The following ATP2B2 variants were observed in gnomAD, a reference collection of about 807,000 sequenced individuals.
ATP2B2 encodes plasma membrane calcium-transporting ATPase 2.
ATP2B2 carries 15 observed loss-of-function variants against 120.0 expected under a neutral mutation model. The observed-to-expected ratio is 0.12, with a 90% CI of 0.08 to 0.19. The LOEUF is 0.19. ATP2B2 is among the 10% of genes least tolerant of loss of function. The pLI is 1.00. For missense variants in ATP2B2, 1,045 were observed against 1,719.8 expected (o/e 0.61, Z 6.94); for synonymous variants, 694 against 700.3 (o/e 0.99, Z 0.14).
Position 10,468,175 on chromosome 3 carries a change from C to T in ATP2B2, c.-319-18313G>A, listed in dbSNP as rs567331591. Among the ~76,000 whole-genome samples, 5 of 152,352 alleles carry T rather than the reference C, an allele frequency of 3.3e-5. No individual in the cohort carries two copies. The East Asian group carries it at 7.7e-4, about 23-fold the overall frequency. ...GCTCCCCTCCTCTCTGCCCAGTGTCCATGTGGGCTGTGGGACAGACAGGAG... is the reference window on the plus strand; with the variant it reads ...GCTCCCCTCCTCTCTGCCCAGTGTCTATGTGGGCTGTGGGACAGACAGGAG... On this transcript the variant is annotated intron_variant, in intron 1 of 22. Transcript: ENST00000360273.
At chr3:10,594,131 G>A (rs372803487) in intron 2 of ATP2B2, among the ~76,000 whole-genome samples, 2 of 152,140 alleles carry the variant, frequency 1.3e-5, no homozygotes, top group African/African-American at 2.4e-5. Flanking sequence ...AGTGTAAACT[G>A]GTTCAACCAT....
At chr3:10,560,873 G>C (rs1454033855) in intron 2 of ATP2B2, among the ~76,000 whole-genome samples, 1 of 152,086 alleles carries the variant, frequency 6.6e-6, no homozygotes, top group Non-Finnish European at 1.5e-5. Flanking sequence ...TTGTTCTCTA[G>C]GCTCCAGAGC....
In ATP2B2 at chr3:10,328,288, A is replaced by G. The variant is rs2059895708; in HGVS notation, c.*526T>C. 2 of 154,370 alleles carry G rather than the reference A, an allele frequency of 1.3e-5. No homozygotes were observed. The highest frequency in any genetic ancestry group is 4.8e-5 in the African/African-American group (2 of 41,432). 9.6% of individuals were successfully genotyped at this position (154,370 alleles called of 1,614,324 possible). A position where few individuals can be genotyped will look rare whatever the true frequency, so the allele number is the denominator to read the frequency against. ...GGCGAGTTAAGCTCTGCAATTTCAA[A>G]AAGTTATTAAATTAATCTATACAAC... On this transcript the variant is annotated 3_prime_UTR_variant, in exon 23 of 23. Transcript: ENST00000360273.
At chr3:10,338,097 G>C in intron 22 of ATP2B2, 79 bp downstream of exon 22, 1 of 1,587,024 alleles carries the variant, frequency 6.3e-7, no homozygotes, top group South Asian at 1.1e-5. Context: ...GGCCCTGGGG[G>C]GCAGCACAAG....
At chr3:10,512,461 T>TGCGCGC (rs146088719) in intron 3 of ATP2B2, among the ~76,000 whole-genome samples, 2,265 of 102,814 alleles carry the variant, frequency 0.022, 100 homozygotes, top group African/African-American at 0.074. Flanking sequence ...CTAAAGTGTG[T>TGCGCGC]GCGCACACAC....
intron 8 of ATP2B2, among the ~76,000 whole-genome samples, chr3:10,383,433 A>G (rs1331847893): frequency 6.6e-6 from 1 of 152,188 alleles, no homozygotes; most frequent in Non-Finnish European, 1.5e-5. Flanking sequence ...GATCAATTCA[A>G]TCCAGTGGTT....
intron 1 of ATP2B2, among the ~76,000 whole-genome samples, chr3:10,625,433 G>A (rs2069669681): frequency 6.6e-6 from 1 of 152,142 alleles, no homozygotes; most frequent in South Asian, 2.1e-4. Context: ...CTGAGTGATG[G>A]GCTGCCCCTG....
At chr3:10,421,604 C>T (rs1012018009) in intron 2 of ATP2B2, among the ~76,000 whole-genome samples, 3 of 152,174 alleles carry the variant, frequency 2.0e-5, no homozygotes, top group South Asian at 2.1e-4. Flanking sequence ...TCTTCAAGTT[C>T]GGCTGTCACA....
intron 1 of ATP2B2, among the ~76,000 whole-genome samples, chr3:10,457,663 A>G (rs2064320332): frequency 6.6e-6 from 1 of 152,136 alleles, no homozygotes; most frequent in South Asian, 2.1e-4. Flanking sequence ...TATGTGCTCA[A>G]AGCTGAAGAA....
intron 1 of ATP2B2, among the ~76,000 whole-genome samples, chr3:10,683,777 T>TGC (rs2071447491): frequency 9.9e-6 from 1 of 100,578 alleles, no homozygotes; most frequent in African/African-American, 5.1e-5. Context: ...TATATATATA[T>TGC]ATATATATAT....
intron 1 of ATP2B2, among the ~76,000 whole-genome samples, chr3:10,483,278 T>A (rs34889): frequency 0.61 from 93,599 of 152,206 alleles, 30,535 homozygotes; most frequent in African/African-American, 0.78. Flanking sequence ...GCAGAGGAGT[T>A]AATGACTGGC....
rs535973253 is a variant in ATP2B2 at position 10,328,012 on chromosome 3, A to T, written c.*802T>A. On this transcript the variant is annotated 3_prime_UTR_variant, in exon 23 of 23. Transcript: ENST00000360273. ...CAAAGACGTTATCTACAGGTTTGTA[A>T]ACAAATTACATTCTTCTTTTAGGAC... The T allele has an allele frequency of 2.0e-4, 30 of 152,678 alleles. No homozygotes were observed. The highest frequency in any genetic ancestry group is 3.5e-4 in the Non-Finnish European group (24 of 68,024). 9.5% of individuals were successfully genotyped at this position (152,678 alleles called of 1,614,324 possible).
intron 2 of ATP2B2, among the ~76,000 whole-genome samples, chr3:10,571,974 C>T (rs995954835): frequency 6.6e-6 from 1 of 152,162 alleles, no homozygotes; most frequent in African/African-American, 2.4e-5. Context: ...GTCAACTTCC[C>T]CACCCCTTGG....
At chr3:10,478,968 T>G (rs955919814) in intron 1 of ATP2B2, among the ~76,000 whole-genome samples, 3 of 152,216 alleles carry the variant, frequency 2.0e-5, no homozygotes, top group African/African-American at 7.2e-5. Flanking sequence ...CTTCCCCCTT[T>G]GGGCGCTCTC....
intron 1 of ATP2B2, among the ~76,000 whole-genome samples, chr3:10,458,374 G>A (rs1403184673): frequency 6.6e-6 from 1 of 152,152 alleles, no homozygotes; most frequent in Admixed American, 6.5e-5. Flanking sequence ...ACAACTTTTG[G>A]TTCGGGTTTT....
At chr3:10,523,577 G>T (rs898039966) in intron 3 of ATP2B2, among the ~76,000 whole-genome samples, 2 of 152,218 alleles carry the variant, frequency 1.3e-5, no homozygotes, top group African/African-American at 4.8e-5. Flanking sequence ...AGTGGTGAAG[G>T]CTCCTGCTTT....
chr3:10,643,058 G>C lies in ATP2B2; in HGVS notation c.-459-23097C>G, dbSNP rs114930765. Among the ~76,000 whole-genome samples, 5 of 151,348 alleles carry C rather than the reference G, an allele frequency of 3.3e-5. No homozygotes were observed. The East Asian group carries it at 7.9e-4, about 24-fold the overall frequency. On this transcript the variant is annotated intron_variant, in intron 1 of 21. Transcript: ENST00000646379. ...GAAAGTCAAGGAGATGCTTAAATAC[G>C]CACTCACACAACAACAACAACAACA...
chr3:10,579,841 A>AAAACAAAACAAAACC, intron 2 of ATP2B2, among the ~76,000 whole-genome samples: 1 of 151,546 alleles, frequency 6.6e-6, no homozygotes. Context: ...AAAACAAAAC[A>AAAACAAAACAAAACC]AAACAAAGAA....
intron 1 of ATP2B2, among the ~76,000 whole-genome samples, chr3:10,689,315 G>A (rs909047350): frequency 2.0e-5 from 3 of 152,124 alleles, no homozygotes; most frequent in African/African-American, 7.2e-5. Context: ...TTGCTGCTCT[G>A]GGGAAGTGCC....
Sources: gnomAD v4.1 joint callset for allele counts (sites outside exome capture counted in the v4.1 genomes callset) on GRCh38, gnomAD v4.1.1 for gene constraint, MANE v1.5 for transcripts, NCBI Gene and HGNC (gene_info 2026-07-23, HGNC 2026-07-21) for gene names.